The following KRAS variants were observed in gnomAD, a reference collection of about 807,000 sequenced individuals.
The protein encoded by KRAS is GTPase KRas.
In KRAS, 1 loss-of-function variant was observed where a neutral mutation model predicts 21.0. The observed-to-expected ratio is 0.05, with a 90% CI of 0.02 to 0.23. The LOEUF is 0.23. Among genes scored for constraint, KRAS ranks in the 10% least tolerant of loss-of-function variants. The pLI, the probability that KRAS is intolerant of heterozygous loss-of-function variation, is 1.00. For synonymous variants in KRAS, 67 were observed against 72.5 expected, an observed-to-expected ratio of 0.92 and a Z score of 0.39; for missense variants, 107 against 221.8, an observed-to-expected ratio of 0.48 and a Z score of 3.29.
chr12:25,232,298 T>C (rs1298958438), intron 2 of KRAS, among the ~76,000 whole-genome samples: 1 of 152,196 alleles, frequency 6.6e-6, no homozygotes, highest in African/African-American at 2.4e-5. Flanking sequence ...GTTAAATAGC[T>C]GTTTAAAAAA....
chr12:25,226,384 A>G (rs184871281), intron 3 of KRAS, among the ~76,000 whole-genome samples: 1 of 152,276 alleles, frequency 6.6e-6, no homozygotes, highest in East Asian at 1.9e-4. Context: ...AGCACAAAAG[A>G]AGGAGCAGAG....
chr12:25,237,555 A>C (rs1951560156), intron 2 of KRAS, among the ~76,000 whole-genome samples: 3 of 152,162 alleles, frequency 2.0e-5, no homozygotes, highest in Admixed American at 2.0e-4. Flanking sequence ...TCTGGTGCTC[A>C]GGACAGAAGT....
chr12:25,227,426 A>C lies in KRAS; in HGVS notation c.112-14T>G, dbSNP rs1374246336. The C allele has an allele frequency of 8.1e-6, 13 of 1,613,198 alleles. No homozygotes were observed. In the Admixed American group the frequency reaches 2.0e-4, roughly 25 times the overall value. On this transcript the variant is annotated splice_polypyrimidine_tract_variant and intron_variant, in intron 2 of 4. Coordinates refer to ENST00000311936, the MANE Select transcript of KRAS (RefSeq NM_004985.5). ...CCTGTAGGAATCCTGAGAAGGGAGA[A>C]ACACAGTCTGGATTATTACAGTGCA...
At chr12:25,232,470 G>A (rs1951486381) in intron 2 of KRAS, among the ~76,000 whole-genome samples, 1 of 152,080 alleles carries the variant, frequency 6.6e-6, no homozygotes, top group Non-Finnish European at 1.5e-5. Flanking sequence ...TTACCACTCT[G>A]AGAAAGTACT....
chr12:25,242,986 T>G (rs1283828561), intron 2 of KRAS, among the ~76,000 whole-genome samples: 3 of 152,188 alleles, frequency 2.0e-5, no homozygotes, highest in Non-Finnish European at 2.9e-5. Context: ...ATTACTTGAT[T>G]TAAATTTTTA....
At chr12:25,240,099 G>A (rs750323840) in intron 2 of KRAS, among the ~76,000 whole-genome samples, 9 of 151,906 alleles carry the variant, frequency 5.9e-5, no homozygotes, top group African/African-American at 1.9e-4. Context: ...ATAGTACAGC[G>A]AATAGCCTCA....
At chr12:25,216,082 T>C (rs2141490123) in intron 4 of KRAS, among the ~76,000 whole-genome samples, 1 of 152,286 alleles carries the variant, frequency 6.6e-6, no homozygotes, top group Non-Finnish European at 1.5e-5. Context: ...AACTGGAACC[T>C]TGAGTTTTAT....
At chr12:25,209,955 C>A (rs1199066340) in intron 4 of KRAS, 44 bp from the exon 5 acceptor site, 1 of 1,461,202 alleles carries the variant, frequency 6.8e-7, no homozygotes, top group South Asian at 1.2e-5. Flanking sequence ...TATACGATGG[C>A]TTCATGTGTA....
intron 4 of KRAS, among the ~76,000 whole-genome samples, chr12:25,220,630 G>C (rs1951308329): frequency 6.6e-6 from 1 of 152,072 alleles, no homozygotes; most frequent in South Asian, 2.1e-4. Flanking sequence ...AGGAGGCTGA[G>C]GCAGGAAAAT....
intron 4 of KRAS, among the ~76,000 whole-genome samples, chr12:25,214,772 C>G (rs1192676691): frequency 2.0e-5 from 3 of 152,164 alleles, no homozygotes; most frequent in Non-Finnish European, 4.4e-5. Context: ...GAGGTTCTAA[C>G]AGTCCAACAA....
intron 2 of KRAS, among the ~76,000 whole-genome samples, chr12:25,243,958 G>GT (rs1248260017): frequency 3.3e-5 from 5 of 152,134 alleles, no homozygotes; most frequent in African/African-American, 1.2e-4. Flanking sequence ...AAATAAAGTT[G>GT]TTTCTATGTT....
intron 2 of KRAS, among the ~76,000 whole-genome samples, chr12:25,241,551 A>C (rs1389373622): frequency 6.6e-6 from 1 of 152,222 alleles, no homozygotes; most frequent in East Asian, 1.9e-4. Flanking sequence ...AATCTAACAT[A>C]AACCTTATGT....
At chr12:25,244,088 T>C (rs565363168) in intron 2 of KRAS, among the ~76,000 whole-genome samples, 3 of 152,282 alleles carry the variant, frequency 2.0e-5, no homozygotes, top group Admixed American at 6.5e-5. Flanking sequence ...TGCATAAATA[T>C]CTTCCCAAGG....
intron 2 of KRAS, among the ~76,000 whole-genome samples, chr12:25,232,733 TC>T (rs1005127495): frequency 6.6e-6 from 1 of 151,916 alleles, no homozygotes; most frequent in Non-Finnish European, 1.5e-5. Flanking sequence ...TTCCCCATAG[TC>T]CCCCCACTCC....
chr12:25,233,801 A>C lies in KRAS; in HGVS notation c.112-6389T>G, dbSNP rs1357456804. 18 of 203,958 alleles carry C rather than the reference A, an allele frequency of 8.8e-5. No homozygotes were observed. The Admixed American group carries it at 1.1e-3, about 12-fold the overall frequency. 12.6% of individuals were successfully genotyped at this position (203,958 alleles called of 1,614,324 possible). A position where few individuals can be genotyped will look rare whatever the true frequency, so the allele number is the denominator to read the frequency against. On this transcript the variant is annotated intron_variant, in intron 2 of 4. Coordinates refer to ENST00000311936, the MANE Select transcript of KRAS (RefSeq NM_004985.5). ...TATAGGTAATTAGTACTGCCTCTTA[A>C]ATAAGTGAATGAATCCATTTGATGT...
At chr12:25,241,555 C>G (rs1012954017) in intron 2 of KRAS, among the ~76,000 whole-genome samples, 5 of 152,100 alleles carry the variant, frequency 3.3e-5, no homozygotes, top group African/African-American at 1.2e-4. Flanking sequence ...TAACATAAAC[C>G]TTATGTCAGG....
intron 4 of KRAS, among the ~76,000 whole-genome samples, chr12:25,213,201 C>T (rs1175015635): frequency 6.6e-6 from 1 of 152,146 alleles, no homozygotes; most frequent in Admixed American, 6.5e-5. Context: ...CATTCACCTA[C>T]AGTCACTGTA....
intron 4 of KRAS, among the ~76,000 whole-genome samples, chr12:25,214,779 A>G (rs1197537340): frequency 6.6e-6 from 1 of 152,218 alleles, no homozygotes; most frequent in Non-Finnish European, 1.5e-5. Flanking sequence ...TAACAGTCCA[A>G]CAAGAAATGA....
intron 2 of KRAS, among the ~76,000 whole-genome samples, chr12:25,239,048 T>C (rs762518881): frequency 3.9e-5 from 6 of 152,248 alleles, no homozygotes; most frequent in African/African-American, 7.2e-5. Context: ...ATACCCTTCC[T>C]AGCAGTTATC....
Sources: gnomAD v4.1 joint callset for allele counts (sites outside exome capture counted in the v4.1 genomes callset) on GRCh38, gnomAD v4.1.1 for gene constraint, MANE v1.5 for transcripts, NCBI Gene and HGNC (gene_info 2026-07-23, HGNC 2026-07-21) for gene names.